Variants in EP300 observed in about 807,000 individuals in gnomAD.
The protein encoded by EP300 is EP300 lysine acetyltransferase.
EP300 carries 31 observed loss-of-function variants against 264.0 expected under a neutral mutation model. That is an observed-to-expected ratio of 0.12 (90% CI 0.09 to 0.16). The LOEUF (loss-of-function observed/expected upper bound fraction) is 0.16. Among genes scored for constraint, EP300 ranks in the 10% least tolerant of loss-of-function variants. The pLI, the probability that EP300 is intolerant of heterozygous loss-of-function variation, is 1.00. For missense variants in EP300, 2,766 were observed against 3,052.9 expected (o/e 0.91, Z 2.21); for synonymous variants, 1,340 against 1,045.4 (o/e 1.28, Z -5.44).
chr22:41,148,964 A>G, intron 12 of EP300, 74 bp from the exon 13 acceptor site: 2 of 1,602,346 alleles, frequency 1.2e-6, no homozygotes, highest in Non-Finnish European at 1.7e-6. Flanking sequence ...CGTTAGGAGC[A>G]TTTGATGATT....
chr22:41,143,974 C>T (rs994054145), intron 10 of EP300, among the ~76,000 whole-genome samples: 2 of 152,042 alleles, frequency 1.3e-5, no homozygotes, highest in African/African-American at 2.4e-5. Flanking sequence ...AAAAATATGC[C>T]CATAGTAAAC....
chr22:41,178,721 C>T lies in EP300; in HGVS notation c.7010C>T (p.Pro2337Leu), dbSNP rs1569122710. 6.2e-7 allele frequency: 1 copy of T among 1,614,202 alleles called. No homozygotes were observed. ...CCAAGGATGCAGCCTCAGCCTTCTC[C>T]ACACCACGTTTCCCCACAGACAAGT... Reference protein sequence around the residue: ...PSPRMQPQPSPHHVSPQTSSP... With the variant: ...PSPRMQPQPSLHHVSPQTSSP... The change falls in exon 31 of 31, where the codon CCA becomes CTA. Residue 2337 changes from proline to leucine, a missense_variant. Physicochemically the swap from Pro to Leu is moderately conservative, Grantham distance 98. Transcript: ENST00000263253.
intron 2 of EP300, among the ~76,000 whole-genome samples, chr22:41,120,269 A>G (rs1601600194): frequency 1.3e-5 from 2 of 152,180 alleles, no homozygotes. Flanking sequence ...GTTCACACCT[A>G]GAATCATTCC....
At chr22:41,096,441 C>G (rs1201661252) in intron 1 of EP300, among the ~76,000 whole-genome samples, 1 of 152,068 alleles carries the variant, frequency 6.6e-6, no homozygotes. Context: ...AAAGATCCTT[C>G]TGGTCTTGGT....
intron 1 of EP300, among the ~76,000 whole-genome samples, chr22:41,115,921 C>A (rs2058818418): frequency 2.0e-5 from 3 of 152,250 alleles, no homozygotes; most frequent in Non-Finnish European, 4.4e-5. Context: ...CTGGAGCACA[C>A]ACTGAGTGTT....
Position 41,178,681 on chromosome 22 carries a change from C to T in EP300, c.6970C>T (p.His2324Tyr), listed in dbSNP as rs202094489. 4 of 1,614,198 alleles carry T rather than the reference C, an allele frequency of 2.5e-6. No individual in the cohort carries two copies. Among genetic ancestry groups the T allele is most frequent in the Admixed American group, 1.7e-5 (1 of 60,016 alleles). ...PSPRPQSQPPHSSPSPRMQPQ... is the reference protein window; with the variant it reads ...PSPRPQSQPPYSSPSPRMQPQ... ...TCCACGGCCACAGTCCCAGCCCCCC[C>T]ACTCCAGTCCTTCCCCAAGGATGCA... Residue 2324 changes from histidine (H) to tyrosine (Y), a missense_variant, in exon 31 of 31, where the codon CAC (histidine) becomes TAC (tyrosine). By Grantham distance (83) the His-to-Tyr change is moderately conservative (BLOSUM62 2). Transcript: ENST00000263253.
At chr22:41,108,488 A>C (rs188686000) in intron 1 of EP300, among the ~76,000 whole-genome samples, 2 of 151,702 alleles carry the variant, frequency 1.3e-5, no homozygotes, top group African/African-American at 4.8e-5. Flanking sequence ...CGTTCAAGCA[A>C]CCCTCCAGCC....
chr22:41,153,092 G>A (rs2059056503), intron 16 of EP300, among the ~76,000 whole-genome samples: 1 of 152,130 alleles, frequency 6.6e-6, no homozygotes, highest in Non-Finnish European at 1.5e-5. Flanking sequence ...GAGGTTATTG[G>A]CCTGAAGCTT....
At chr22:41,130,093 C>A in intron 5 of EP300, 90 bp downstream of exon 5, 1 of 947,400 alleles carries the variant, frequency 1.1e-6, no homozygotes, top group Non-Finnish European at 1.7e-6. Context: ...TGTGAGGGAC[C>A]TGTGGTGTTG....
At chr22:41,097,007 CTG>C (rs1324751068) in intron 1 of EP300, among the ~76,000 whole-genome samples, 2 of 152,172 alleles carry the variant, frequency 1.3e-5, no homozygotes, top group African/African-American at 4.8e-5. Context: ...TTTTCCAGCT[CTG>C]TAACTTGTGA....
chr22:41,174,694 C>T (rs2059190236), intron 29 of EP300: 1 of 151,950 alleles, frequency 6.6e-6, no homozygotes, highest in Non-Finnish European at 1.5e-5. Flanking sequence ...TTCAGTCAGA[C>T]TCCTCATTTT....
intron 22 of EP300, among the ~76,000 whole-genome samples, chr22:41,166,154 C>T (rs1294196435): frequency 6.6e-6 from 1 of 152,156 alleles, no homozygotes; most frequent in African/African-American, 2.4e-5. Flanking sequence ...ATACTATAAT[C>T]CATTTATTTA....
intron 1 of EP300, among the ~76,000 whole-genome samples, chr22:41,095,949 C>A (rs1466777569): frequency 6.6e-6 from 1 of 152,134 alleles, no homozygotes; most frequent in Non-Finnish European, 1.5e-5. Context: ...CTCAGATATT[C>A]TCCTAAAAAA....
intron 1 of EP300, among the ~76,000 whole-genome samples, chr22:41,098,022 A>G (rs1427917111): frequency 6.6e-6 from 1 of 151,500 alleles, no homozygotes; most frequent in Non-Finnish European, 1.5e-5. Flanking sequence ...TAATACTTTT[A>G]AGTTTTAGGA....
chr22:41,160,453 CAAA>C, intron 19 of EP300, 186 bp from the exon 20 acceptor site: 1 of 423,370 alleles, frequency 2.4e-6, no homozygotes, highest in East Asian at 4.0e-5. Context: ...AAAAAACAAA[CAAA>C]AAAACCAAAA....
intron 22 of EP300, among the ~76,000 whole-genome samples, chr22:41,165,400 T>C (rs1182672336): frequency 6.6e-6 from 1 of 152,150 alleles, no homozygotes; most frequent in Non-Finnish European, 1.5e-5. Context: ...AATAACACTC[T>C]TTTGTACATA....
chr22:41,114,543 C>T (rs779426714), intron 1 of EP300, among the ~76,000 whole-genome samples: 6 of 152,172 alleles, frequency 3.9e-5, no homozygotes, highest in Non-Finnish European at 8.8e-5. Flanking sequence ...TTCTGTAAAA[C>T]TCTGGACTCT....
chr22:41,155,047 T>G lies in EP300; in HGVS notation c.3195T>G (p.Leu1065=), dbSNP rs1421775759. ...RQALMPTLEA[L]YRQDPESLPF... ...CACTGATGCCAACTTTGGAGGCACT[T>G]TACCGTCAGGATCCAGAATCCCTTC... The change falls in exon 17 of 31, where the codon CTT becomes CTG. Residue 1065 remains leucine, a synonymous_variant. Coordinates refer to ENST00000263253, the MANE Select transcript of EP300 (RefSeq NM_001429.4). 1 of 1,614,170 alleles carries G rather than the reference T, an allele frequency of 6.2e-7. No homozygotes were observed. The highest frequency in any genetic ancestry group is 1.3e-5 in the African/African-American group (1 of 75,056).
At chr22:41,126,470 ATTG>A (rs2058883285) in intron 3 of EP300, among the ~76,000 whole-genome samples, 2 of 152,312 alleles carry the variant, frequency 1.3e-5, no homozygotes, top group African/African-American at 4.8e-5. Context: ...AAAGTAATGT[ATTG>A]TTTTAAACAG....
Sources: gnomAD v4.1 joint callset for allele counts (sites outside exome capture counted in the v4.1 genomes callset) on GRCh38, gnomAD v4.1.1 for gene constraint, MANE v1.5 for transcripts, NCBI Gene and HGNC (gene_info 2026-07-23, HGNC 2026-07-21) for gene names.